The following THAP2 variants were observed in gnomAD, a reference collection of about 807,000 sequenced individuals.
The protein encoded by THAP2 is THAP domain-containing protein 2.
Under a neutral mutation model 18.8 loss-of-function variants are expected in THAP2, and 16 were observed. The observed-to-expected ratio is 0.85, with a 90% CI of 0.58 to 1.29. THAP2 has a LOEUF of 1.29. Among genes scored for constraint, THAP2 ranks in the 50% most tolerant of loss-of-function variants. The pLI, the probability that THAP2 is intolerant of heterozygous loss-of-function variation, is 0.00. For missense variants in THAP2, 251 were observed against 265.3 expected (o/e 0.95, Z 0.38); for synonymous variants, 80 against 89.2 (o/e 0.90, Z 0.58).
At chr12:71,670,134 C>T (rs1326471117) in intron 1 of THAP2, among the ~76,000 whole-genome samples, 1 of 152,000 alleles carries the variant, frequency 6.6e-6, no homozygotes, top group Non-Finnish European at 1.5e-5. Context: ...CTTTGTGCCC[C>T]TCATTGCTGG....
Position 71,664,505 on chromosome 12 carries a change from G to A in THAP2, c.-5G>A, listed in dbSNP as rs779269161. The A allele has an allele frequency of 2.7e-5, 44 of 1,614,180 alleles. No homozygotes were observed. In the Admixed American group the frequency reaches 6.8e-4, roughly 25 times the overall value. ...CTAAGGGCGCTGAATGAGTGGGAAA[G>A]GGAAATGCCGACCAATTGCGCTGCG... On this transcript the variant is annotated 5_prime_UTR_variant, in exon 1 of 3. Coordinates refer to ENST00000308086, the MANE Select transcript of THAP2 (RefSeq NM_031435.4).
intron 1 of THAP2, 88 bp from the exon 2 acceptor site, chr12:71,674,115 T>G: frequency 7.4e-7 from 1 of 1,345,218 alleles, no homozygotes; most frequent in African/African-American, 1.5e-5. Context: ...GGACACACTT[T>G]TAATCATCTT....
At chr12:71,664,606 A>G in intron 1 of THAP2, 26 bp downstream of exon 1, 1 of 1,613,640 alleles carries the variant, frequency 6.2e-7, no homozygotes. Context: ...AGTGGGGGTG[A>G]CGGAAACTGG....
At position 71,672,716 on chromosome 12, in the gene THAP2, C is replaced by CATAT. The variant is rs113707651; in HGVS notation, c.72-1474_72-1471dup. On this transcript the variant is annotated intron_variant, in intron 1 of 2. Transcript: ENST00000308086. ...CAGCTGCAGACCTAAATCTATGTGGCATATATATATATATATCTCAAGCAA... is the reference window on the plus strand; with the variant it reads ...CAGCTGCAGACCTAAATCTATGTGGCATATATATATATATATATATCTCAAGCAA... Among the ~76,000 whole-genome samples, 310 of 148,948 alleles carry CATAT rather than the reference C, an allele frequency of 2.1e-3. 1 individual carries two copies. Among genetic ancestry groups the CATAT allele is most frequent in the African/African-American group, 7.0e-3 (284 of 40,770 alleles).
chr12:71,664,407 A>G lies in THAP2; in HGVS notation c.-103A>G. Reference sequence around the variant, plus strand: ...CCGCTCTCACGACTAAGCTCTCACGATTAAGGCACGCCTGCCTCGATTGTC... The same window carrying G: ...CCGCTCTCACGACTAAGCTCTCACGGTTAAGGCACGCCTGCCTCGATTGTC... On this transcript the variant is annotated 5_prime_UTR_variant, in exon 1 of 3. Coordinates refer to ENST00000308086, the MANE Select transcript of THAP2 (RefSeq NM_031435.4). The G allele has an allele frequency of 6.9e-7, 1 of 1,456,644 alleles. No homozygotes were observed. The highest frequency in any genetic ancestry group is 9.6e-7 in the Non-Finnish European group (1 of 1,040,264). The allele number at this position is 1,456,644 out of a possible 1,614,324, so 90.2% of individuals were successfully genotyped here.
chr12:71,669,676 C>T (rs1287565152), intron 1 of THAP2, among the ~76,000 whole-genome samples: 1 of 152,080 alleles, frequency 6.6e-6, no homozygotes, highest in Non-Finnish European at 1.5e-5. Context: ...AATTATTCAG[C>T]CAGCTGCGGT....
In THAP2 at chr12:71,677,082, A is replaced by C; in HGVS notation, c.661A>C (p.Lys221Gln). Residue 221 changes from lysine to glutamine, a missense_variant, in exon 3 of 3, where the codon AAA becomes CAA. Lys to Gln is a moderately conservative substitution (Grantham distance 53). Coordinates refer to ENST00000308086, the MANE Select transcript of THAP2 (RefSeq NM_031435.4). ...TAAAACACTGCTAAGTCTAAATCTA[A>C]AACAGACCAAGAGTACCTTCATTTA... is the stretch of plus-strand genomic sequence containing the variant. The part of the protein sequence containing the change: ...QDKTLLSLNL[K>Q]QTKSTFI 6.2e-7 allele frequency: 1 copy of C among 1,602,114 alleles called. No individual in the cohort carries two copies. The highest frequency in any genetic ancestry group is 1.1e-5 in the South Asian group (1 of 89,312).
intron 1 of THAP2, among the ~76,000 whole-genome samples, chr12:71,666,612 C>G (rs1202574624): frequency 6.6e-6 from 1 of 152,028 alleles, no homozygotes; most frequent in Non-Finnish European, 1.5e-5. Flanking sequence ...TCATGTGTAA[C>G]CTCAGAAATT....
chr12:71,674,245 G>A lies in THAP2; in HGVS notation c.114G>A (p.Leu38=), dbSNP rs769433314. The stretch of plus-strand genomic sequence containing the variant: ...AAAGAAGAAAAGAATGGGTTCGCCT[G>A]GTTAGGCGCAAAAATTTTGTGCCAG... The part of the protein sequence containing the change: ...DPKRRKEWVR[L]VRRKNFVPGK... The change falls in exon 2 of 3, where the codon CTG becomes CTA. Residue 38 remains leucine (L), a synonymous_variant. Coordinates refer to ENST00000308086, the MANE Select transcript of THAP2 (RefSeq NM_031435.4). The A allele has an allele frequency of 3.7e-6, 6 of 1,611,496 alleles. No homozygotes were observed. The South Asian group carries it at 6.6e-5, about 18-fold the overall frequency.
chr12:71,666,346 C>CA (rs1291369124), intron 1 of THAP2, among the ~76,000 whole-genome samples: 1 of 151,682 alleles, frequency 6.6e-6, no homozygotes, highest in Non-Finnish European at 1.5e-5. Flanking sequence ...CTCGTCTCTA[C>CA]AAAAAAATAC....
At position 71,677,012 on chromosome 12, in the gene THAP2, TCTTC is replaced by T. The variant is rs1565843719; in HGVS notation, c.595_598del (p.Pro199TrpfsTer17). The T allele has an allele frequency of 6.2e-7, 1 of 1,613,566 alleles. No individual in the cohort carries two copies. Among genetic ancestry groups the T allele is most frequent in the South Asian group, 1.1e-5 (1 of 91,026 alleles). ...ACATGTTACCAACTGCCTTAAGCAGTCTTCCTTTGGAAGATTTTAAGATCCTTGA... is the reference window on the plus strand; with the variant it reads ...ACATGTTACCAACTGCCTTAAGCAGTCTTTGGAAGATTTTAAGATCCTTGA... On this transcript the variant is annotated frameshift_variant, in exon 3 of 3. Transcript: ENST00000308086. LOFTEE classifies it high-confidence loss of function.
At chr12:71,666,339 G>A (rs891431239) in intron 1 of THAP2, among the ~76,000 whole-genome samples, 1 of 151,872 alleles carries the variant, frequency 6.6e-6, no homozygotes, top group South Asian at 2.1e-4. Context: ...GTGAAACCTC[G>A]TCTCTACAAA....
At chr12:71,667,933 A>G (rs1220467391) in intron 1 of THAP2, 1 of 152,196 alleles carries the variant, frequency 6.6e-6, no homozygotes. Flanking sequence ...TCACTAGGAA[A>G]TTTGGGGGTT....
intron 1 of THAP2, among the ~76,000 whole-genome samples, chr12:71,666,658 C>T (rs1881348162): frequency 6.6e-6 from 1 of 152,182 alleles, no homozygotes; most frequent in Admixed American, 6.5e-5. Context: ...AATAAAAATA[C>T]ATTCCTATTT....
rs1049274555 is a variant in THAP2, at chr12:71,664,530, G to A, written c.21G>A (p.Ala7=). 2 of 1,614,148 alleles carry A rather than the reference G, an allele frequency of 1.2e-6. No homozygotes were observed. The highest frequency in any genetic ancestry group is 3.3e-5 in the Admixed American group (2 of 60,024). The change falls in exon 1 of 3, where the codon GCG becomes GCA. Residue 7 remains alanine, a synonymous_variant. Transcript: ENST00000308086. MPTNCA[A]AGCATTYNKH... Reference sequence around the variant, plus strand: ...GGGAAATGCCGACCAATTGCGCTGCGGCGGGCTGTGCCACTACCTACAACA... The same window carrying A: ...GGGAAATGCCGACCAATTGCGCTGCAGCGGGCTGTGCCACTACCTACAACA...
intron 1 of THAP2, among the ~76,000 whole-genome samples, chr12:71,669,168 T>A (rs1881391934): frequency 6.6e-6 from 1 of 152,186 alleles, no homozygotes; most frequent in Non-Finnish European, 1.5e-5. Context: ...GACAAAGCAG[T>A]GAAAAACACA....
Position 71,664,788 on chromosome 12 carries a change from G to C in THAP2, c.71+208G>C, listed in dbSNP as rs1040226818. The C allele has an allele frequency of 5.6e-6, 4 of 720,612 alleles. No individual in the cohort carries two copies. In the African/African-American group the frequency reaches 7.0e-5, roughly 13 times the overall value. 44.6% of individuals were successfully genotyped at this position (720,612 alleles called of 1,614,324 possible). A position where few individuals can be genotyped will look rare whatever the true frequency, so the allele number is the denominator to read the frequency against. On this transcript the variant is annotated intron_variant, in intron 1 of 2. Transcript: ENST00000308086. The stretch of plus-strand genomic sequence containing the variant: ...TACTCATTTTCTAAAAGAAATCCAA[G>C]TACTGTTTGGTCATTACCCCTTAGT...
intron 1 of THAP2, among the ~76,000 whole-genome samples, chr12:71,670,880 A>G (rs1351539144): frequency 6.7e-6 from 1 of 148,408 alleles, no homozygotes; most frequent in African/African-American, 2.5e-5. Flanking sequence ...TGGAGGTTGC[A>G]GGGAGCCGAG....
rs1019154775 is a variant in THAP2, at chr12:71,678,233, T to C, written c.*1125T>C. ...TCAATTGAACCTAGGAGGTTGAGGC[T>C]ATAGTGAGCTGTGATTGCACGACTG... On this transcript the variant is annotated 3_prime_UTR_variant, in exon 3 of 3. Coordinates refer to ENST00000308086, the MANE Select transcript of THAP2 (RefSeq NM_031435.4). 3.3e-5 allele frequency: 5 copies of C among 152,468 alleles called. No homozygotes were observed. Among genetic ancestry groups the C allele is most frequent in the Non-Finnish European group, 7.4e-5 (5 of 68,024 alleles). The allele number at this position is 152,468 out of a possible 1,614,324, so 9.4% of individuals were successfully genotyped here. A position where few individuals can be genotyped will look rare whatever the true frequency, so the allele number is the denominator to read the frequency against.
Sources: allele counts gnomAD v4.1 joint callset (sites outside exome capture counted in the v4.1 genomes callset), GRCh38; gene constraint gnomAD v4.1.1; transcripts MANE v1.5; gene names NCBI Gene and HGNC (gene_info 2026-07-23, HGNC 2026-07-21).